Variants in NLRP7 observed in about 807,000 individuals in gnomAD.
NLRP7 encodes NACHT, LRR and PYD domains-containing protein 7.
NLRP7 carries 72 observed loss-of-function variants against 85.5 expected under a neutral mutation model. The ratio of observed to expected loss-of-function variants is 0.84; its 90% confidence interval spans 0.70 to 1.02. The LOEUF is 1.02. Among genes scored for constraint, NLRP7 ranks in the 50% least tolerant of loss-of-function variants. NLRP7 has a pLI of 0.00. For missense variants in NLRP7, 1,243 were observed against 1,219.5 expected, an observed-to-expected ratio of 1.02 and a Z score of -0.29; for synonymous variants, 550 against 505.2, an observed-to-expected ratio of 1.09 and a Z score of -1.19.
intron 5 of NLRP7, among the ~76,000 whole-genome samples, chr19:54,937,034 CG>C (rs1411422249): frequency 6.6e-6 from 1 of 151,562 alleles, no homozygotes; most frequent in Non-Finnish European, 1.5e-5. Context: ...CTGGCTAACA[CG>C]GTGAAACCCC....
At chr19:54,956,810 A>G (rs959147239) in intron 1 of NLRP7, among the ~76,000 whole-genome samples, 10 of 150,828 alleles carry the variant, frequency 6.6e-5, no homozygotes, top group Non-Finnish European at 1.3e-4. Context: ...TTGCATTTTT[A>G]GTAGAAACGG....
exon 4 of NLRP7, chr19:54,940,140 T>G (rs1230967295): frequency 6.2e-7 from 1 of 1,614,176 alleles, no homozygotes. Flanking sequence ...TCTTTGGAGA[T>G]CAGCTCTGCA....
intron 1 of NLRP7, among the ~76,000 whole-genome samples, chr19:54,958,934 A>G (rs2069944313): frequency 6.6e-6 from 1 of 152,074 alleles, no homozygotes; most frequent in Non-Finnish European, 1.5e-5. Context: ...CTGGTCAGAG[A>G]GAAAGAATAG....
upstream of NLRP7, among the ~76,000 whole-genome samples, chr19:54,952,077 G>A (rs138159394): frequency 9.0e-4 from 137 of 152,126 alleles, 1 homozygote; most frequent in African/African-American, 2.8e-3. Context: ...GTATCTGCAC[G>A]GTTCCTACAG....
At chr19:54,953,081 A>C (rs1321176194) in intron 1 of NLRP7, 1 of 151,116 alleles carries the variant, frequency 6.6e-6, no homozygotes, top group African/African-American at 2.4e-5. Context: ...GGTTGCAGTA[A>C]AAAGAAAAAA....
chr19:54,961,765 C>G (rs755002742), intron 1 of NLRP7, among the ~76,000 whole-genome samples: 2 of 148,668 alleles, frequency 1.3e-5, no homozygotes, highest in Non-Finnish European at 3.0e-5. Flanking sequence ...TGAGCCGAGA[C>G]CACACCACTG....
At chr19:54,964,154 C>T (rs2070193922) in intron 1 of NLRP7, among the ~76,000 whole-genome samples, 1 of 148,340 alleles carries the variant, frequency 6.7e-6, no homozygotes, top group African/African-American at 2.5e-5. Flanking sequence ...GCTGGAATTA[C>T]AGGCGTGAGC....
intron 8 of NLRP7, among the ~76,000 whole-genome samples, chr19:54,931,565 G>A (rs1602129974): frequency 6.6e-6 from 1 of 152,092 alleles, no homozygotes; most frequent in Non-Finnish European, 1.5e-5. Flanking sequence ...GCACATGCCT[G>A]TAATCCCAGC....
At chr19:54,956,716 C>A (rs1236175666) in intron 1 of NLRP7, among the ~76,000 whole-genome samples, 1 of 151,120 alleles carries the variant, frequency 6.6e-6, no homozygotes, top group Non-Finnish European at 1.5e-5. Context: ...AGGCCGGGCG[C>A]AGTGGCTCAC....
intron 1 of NLRP7, among the ~76,000 whole-genome samples, chr19:54,964,443 C>T (rs1166684630): frequency 3.3e-5 from 5 of 151,458 alleles, no homozygotes; most frequent in Admixed American, 1.3e-4. Context: ...GTCTCGATCT[C>T]CTGACCTCGT....
At chr19:54,944,151 G>GGT (rs1373251276) in intron 1 of NLRP7, among the ~76,000 whole-genome samples, 1 of 151,936 alleles carries the variant, frequency 6.6e-6, no homozygotes, top group East Asian at 1.9e-4. Flanking sequence ...ACCCGTAAAG[G>GGT]GTCTGTGCTG....
At chr19:54,938,932 G>T in exon 4 of NLRP7, 1 of 1,614,112 alleles carries the variant, frequency 6.2e-7, no homozygotes, top group Non-Finnish European at 8.5e-7. Flanking sequence ...AATTCTCCAG[G>T]AACACCCCCT....
In NLRP7 at chr19:54,941,753, G is replaced by A. The variant is rs772074527; in HGVS notation, c.-39-3C>T. 52 of 1,581,676 alleles carry A rather than the reference G, an allele frequency of 3.3e-5. No individual in the cohort carries two copies. The South Asian group carries it at 5.6e-4, about 17-fold the overall frequency. On this transcript the variant is annotated splice_polypyrimidine_tract_variant and splice_region_variant and intron_variant, in intron 1 of 9. Coordinates refer to ENST00000340844, the Ensembl canonical transcript of NLRP7. ...GACCTTAGGTTAAGGCTGAAGAACT[G>A]GGGGGAAAAAAGGAAAAACAGTTCA...
chr19:54,923,671 G>A, exon 10 of NLRP7: 1 of 1,545,114 alleles, frequency 6.5e-7, no homozygotes. Flanking sequence ...CCTCTGACCT[G>A]CATTCATAAG....
At chr19:54,962,921 A>G (rs560794167) in intron 1 of NLRP7, among the ~76,000 whole-genome samples, 8 of 152,144 alleles carry the variant, frequency 5.3e-5, no homozygotes, top group Non-Finnish European at 7.4e-5. Flanking sequence ...TATTCTTTCT[A>G]GGATAGGCAA....
chr19:54,932,257 A>G (rs2068709843), intron 8 of NLRP7, among the ~76,000 whole-genome samples: 2 of 152,046 alleles, frequency 1.3e-5, no homozygotes, highest in Admixed American at 1.3e-4. Context: ...GTGAAACCTC[A>G]TCTCCACTAA....
upstream of NLRP7, chr19:54,947,743 A>G: frequency 1.1e-6 from 1 of 947,798 alleles, no homozygotes; most frequent in Non-Finnish European, 1.5e-6. Flanking sequence ...GGTGAGATTA[A>G]TGTGCAATTC....
At chr19:54,958,169 C>A (rs1423199849) in intron 1 of NLRP7, among the ~76,000 whole-genome samples, 1 of 151,646 alleles carries the variant, frequency 6.6e-6, no homozygotes, top group Non-Finnish European at 1.5e-5. Flanking sequence ...CTTGCTATCT[C>A]CAGGATTATG....
upstream of NLRP7, among the ~76,000 whole-genome samples, chr19:54,950,852 G>A (rs934974951): frequency 2.6e-5 from 4 of 152,198 alleles, no homozygotes; most frequent in Non-Finnish European, 2.9e-5. Context: ...GCTGAGGGAC[G>A]GTCAGGTCTT....
Sources: gnomAD v4.1 joint callset for allele counts (sites outside exome capture counted in the v4.1 genomes callset) on GRCh38, gnomAD v4.1.1 for gene constraint, MANE v1.5 for transcripts, NCBI Gene and HGNC (gene_info 2026-07-23, HGNC 2026-07-21) for gene names.